The following NOL10 variants were observed in gnomAD, a reference collection of about 807,000 sequenced individuals.
NOL10 encodes the protein H_NH0074G24.1.
In NOL10, 58 loss-of-function variants were observed where a neutral mutation model predicts 103.5. The observed-to-expected ratio is 0.56, with a 90% CI of 0.45 to 0.70. The LOEUF is 0.70. Among genes scored for constraint, NOL10 ranks in the 30% least tolerant of loss-of-function variants. The pLI is 0.00. For missense variants in NOL10, 763 were observed against 807.3 expected, an observed-to-expected ratio of 0.95 and a Z score of 0.67; for synonymous variants, 287 against 282.5, an observed-to-expected ratio of 1.02 and a Z score of -0.16.
rs36205939 is a variant in NOL10, at chr2:10,618,034, GTT to G, written c.1027-10725_1027-10724del. 8.4e-4 allele frequency among the ~76,000 whole-genome samples: 123 copies of G among 145,884 alleles called. 1 individual carries two copies. Among genetic ancestry groups the G allele is most frequent in the Middle Eastern group, 3.6e-3 (1 of 276 alleles). ...CACAACTCTGGACTGTACACTTCATGTTTTTTTTTTTTTTTCTTTTTTATTTG... is the reference window on the plus strand; with the variant it reads ...CACAACTCTGGACTGTACACTTCATGTTTTTTTTTTTTTCTTTTTTATTTG... On this transcript the variant is annotated intron_variant, in intron 13 of 20. Transcript: ENST00000381685.
chr2:10,606,466 T>C (rs1676264591), intron 14 of NOL10, among the ~76,000 whole-genome samples: 2 of 151,878 alleles, frequency 1.3e-5, no homozygotes, highest in Non-Finnish European at 2.9e-5. Context: ...CTTACCATGC[T>C]GCATGGCAGT....
chr2:10,685,688 T>C (rs928875962), intron 1 of NOL10, among the ~76,000 whole-genome samples: 17 of 152,080 alleles, frequency 1.1e-4, no homozygotes, highest in Non-Finnish European at 1.5e-4. Context: ...GAAAATTAAC[T>C]TTATTCATCA....
chr2:10,683,543 T>G (rs1043455839), intron 2 of NOL10, among the ~76,000 whole-genome samples: 1 of 152,192 alleles, frequency 6.6e-6, no homozygotes, highest in African/African-American at 2.4e-5. Context: ...CCTGCATGCT[T>G]ACTGGGTATG....
intron 17 of NOL10, among the ~76,000 whole-genome samples, chr2:10,596,534 T>G (rs775176456): frequency 5.3e-5 from 8 of 152,138 alleles, no homozygotes; most frequent in Non-Finnish European, 8.8e-5. Context: ...ATAGGGTTCA[T>G]GCTCCTATGA....
intron 13 of NOL10, among the ~76,000 whole-genome samples, chr2:10,619,943 T>G (rs960383004): frequency 2.0e-5 from 3 of 152,210 alleles, no homozygotes; most frequent in Admixed American, 2.0e-4. Flanking sequence ...TCTACCCTTT[T>G]CCTCTCCCAA....
intron 13 of NOL10, among the ~76,000 whole-genome samples, chr2:10,620,603 A>G (rs1342856646): frequency 6.6e-6 from 1 of 152,248 alleles, no homozygotes; most frequent in Admixed American, 6.5e-5. Flanking sequence ...AAGGAACTCA[A>G]TCTGAACTCA....
intron 1 of NOL10, among the ~76,000 whole-genome samples, chr2:10,685,078 AG>A: frequency 6.6e-6 from 1 of 152,372 alleles, no homozygotes; most frequent in East Asian, 1.9e-4. Context: ...GAAAGCAGAA[AG>A]CCTCAAATAT....
chr2:10,672,675 A>G (rs1681024281), intron 5 of NOL10, among the ~76,000 whole-genome samples: 1 of 152,250 alleles, frequency 6.6e-6, no homozygotes, highest in African/African-American at 2.4e-5. Context: ...TGACAATTTT[A>G]TAATTGTTGA....
At chr2:10,603,200 T>A (rs973213910) in intron 14 of NOL10, 43 bp from the exon 15 acceptor site, 1 of 1,373,358 alleles carries the variant, frequency 7.3e-7, no homozygotes. Context: ...TTATGCAATC[T>A]TCATTAACAT....
intron 17 of NOL10, among the ~76,000 whole-genome samples, chr2:10,590,390 G>A (rs1416914630): frequency 2.6e-5 from 4 of 152,236 alleles, no homozygotes; most frequent in Admixed American, 1.3e-4. Flanking sequence ...TTACAGGCAT[G>A]AGCCACTGAA....
rs905940498 is a variant in NOL10, at chr2:10,675,952, G to C, written c.212-81C>G. The C allele has an allele frequency of 1.4e-5, 9 of 657,536 alleles. No individual in the cohort carries two copies. The African/African-American group carries it at 1.7e-4, about 12-fold the overall frequency. 40.7% of individuals were successfully genotyped at this position (657,536 alleles called of 1,614,324 possible). On this transcript the variant is annotated intron_variant, in intron 3 of 20. Coordinates refer to ENST00000381685, the MANE Select transcript of NOL10 (RefSeq NM_024894.4). ...TCCAGATACATTGAGTGTACTTCTT[G>C]TTCAGAGACAGGCAGGATTAATTGT...
rs141067387 is a variant in NOL10 at position 10,605,242 on chromosome 2, G to C, written c.1153+1943C>G. Among the ~76,000 whole-genome samples, 150 of 152,264 alleles carry C rather than the reference G, an allele frequency of 9.9e-4. 6 individuals are homozygous for C. The East Asian group carries it at 0.017, about 17-fold the overall frequency. On this transcript the variant is annotated intron_variant, in intron 14 of 20. Coordinates refer to ENST00000381685, the MANE Select transcript of NOL10 (RefSeq NM_024894.4). ...TATCCACCCAGTCCTTTTTACAGAC[G>C]TAATTTTCCAAAGAACGCACTGTGG...
rs545094241 is a variant in NOL10 at position 10,639,339 on chromosome 2, G to C, written c.1026+4981C>G. ...GGGGAGGCTGAGACAGGAGAATGGC[G>C]TGAAGCCGGGAGGCAGAGCTTGCAG... On this transcript the variant is annotated intron_variant, in intron 13 of 20. Transcript: ENST00000381685. Among the ~76,000 whole-genome samples, 25 of 152,244 alleles carry C rather than the reference G, an allele frequency of 1.6e-4. 1 individual carries two copies. In the South Asian group the frequency reaches 5.2e-3, roughly 31 times the overall value.
chr2:10,608,738 G>GTAAA (rs1558286789), intron 13 of NOL10, among the ~76,000 whole-genome samples: 2 of 152,246 alleles, frequency 1.3e-5, no homozygotes, highest in Admixed American at 1.3e-4. Context: ...AAAAAGAAAA[G>GTAAA]TAAATGTTAG....
At chr2:10,677,816 G>A (rs978544797) in intron 3 of NOL10, among the ~76,000 whole-genome samples, 10 of 150,340 alleles carry the variant, frequency 6.7e-5, no homozygotes, top group African/African-American at 1.5e-4. Context: ...GCCCACTGTC[G>A]TATGGCAATA....
chr2:10,645,818 C>T (rs552735459), intron 12 of NOL10, among the ~76,000 whole-genome samples: 6 of 152,040 alleles, frequency 3.9e-5, no homozygotes, highest in East Asian at 1.9e-4. Flanking sequence ...CATGAGCCAC[C>T]GCATCTGGCC....
intron 13 of NOL10, among the ~76,000 whole-genome samples, chr2:10,643,301 G>A (rs2148279084): frequency 6.6e-6 from 1 of 152,178 alleles, no homozygotes; most frequent in South Asian, 2.1e-4. Context: ...GACTATCATA[G>A]ACAGGAATAA....
At chr2:10,577,215 C>T (rs184795084) in intron 20 of NOL10, among the ~76,000 whole-genome samples, 27 of 152,296 alleles carry the variant, frequency 1.8e-4, no homozygotes, top group African/African-American at 5.5e-4. Flanking sequence ...CGCCAATTCC[C>T]GGTCTTCTTC....
intron 5 of NOL10, 142 bp downstream of exon 5, chr2:10,673,378 C>A: frequency 2.1e-6 from 1 of 468,518 alleles, no homozygotes; most frequent in Non-Finnish European, 3.8e-6. Context: ...TTTTACTACA[C>A]AGCCATTTTT....
Sources: gnomAD v4.1 joint callset for allele counts (sites outside exome capture counted in the v4.1 genomes callset) on GRCh38, gnomAD v4.1.1 for gene constraint, MANE v1.5 for transcripts, NCBI Gene and HGNC (gene_info 2026-07-23, HGNC 2026-07-21) for gene names.